The following AP1M1 variants were observed in gnomAD, a reference collection of about 807,000 sequenced individuals.
AP1M1 encodes AP-1 complex subunit mu-1.
Under a neutral mutation model 57.1 loss-of-function variants are expected in AP1M1, and 18 were observed. That is an observed-to-expected ratio of 0.32 (90% CI 0.22 to 0.47). The LOEUF (loss-of-function observed/expected upper bound fraction) is 0.47. Among genes scored for constraint, AP1M1 ranks in the 20% least tolerant of loss-of-function variants. AP1M1 has a pLI of 1.00. For synonymous variants in AP1M1, 241 were observed against 237.9 expected (o/e 1.01, Z -0.12); for missense variants, 362 against 593.5 (o/e 0.61, Z 4.05).
intron 5 of AP1M1, among the ~76,000 whole-genome samples, chr19:16,212,438 A>G (rs2091499163): frequency 6.6e-6 from 1 of 152,148 alleles, no homozygotes; most frequent in African/African-American, 2.4e-5. Context: ...TGTGGGGTCA[A>G]TGGTAATATC....
Position 16,206,229 on chromosome 19 carries a change from G to T in AP1M1, c.200-112G>T. The T allele has an allele frequency of 1.9e-6, 2 of 1,080,460 alleles. No individual in the cohort carries two copies. The highest frequency in any genetic ancestry group is 2.7e-5 in the South Asian group (2 of 72,994). The allele number at this position is 1,080,460 out of a possible 1,614,324, so 66.9% of individuals were successfully genotyped here. ...GGGCCAAGTAAACGGCTGGGAGTGG[G>T]GATAGGGAAGGCTCTGAGGGTTGTG... is the stretch of plus-strand genomic sequence containing the variant. On this transcript the variant is annotated intron_variant, in intron 2 of 11. Coordinates refer to ENST00000291439, the MANE Select transcript of AP1M1 (RefSeq NM_032493.4). This position sits in a 1 kb window ranked among gnomAD's most constrained non-coding sequence, Gnocchi z 4.3.
At chr19:16,202,062 G>T (rs2091450653) in intron 1 of AP1M1, among the ~76,000 whole-genome samples, 1 of 152,138 alleles carries the variant, frequency 6.6e-6, no homozygotes, top group Non-Finnish European at 1.5e-5. Flanking sequence ...ACAGCAGGGG[G>T]AGGGGCTGTT....
chr19:16,226,860 C>T, intron 6 of AP1M1: 1 of 245,208 alleles, frequency 4.1e-6, no homozygotes. Flanking sequence ...CTCTCCCTCC[C>T]AGGCCAGGTT....
In AP1M1 at chr19:16,228,119, C is replaced by T. The variant is rs1379733882; in HGVS notation, c.817-18C>T. On this transcript the variant is annotated intron_variant, in intron 7 of 11. Coordinates refer to ENST00000291439, the MANE Select transcript of AP1M1 (RefSeq NM_032493.4). This position sits in a 1 kb window ranked among gnomAD's most constrained non-coding sequence, Gnocchi z 5.0. ...AAACAAGGCCAGGTGTGAGCACCCT[C>T]TTTGCCCTCCTTGGCAGGTCAAGCC... 6.2e-7 allele frequency: 1 copy of T among 1,613,488 alleles called. No homozygotes were observed. Among genetic ancestry groups the T allele is most frequent in the Non-Finnish European group, 8.5e-7 (1 of 1,179,902 alleles).
chr19:16,209,257 A>G, intron 5 of AP1M1, 80 bp downstream of exon 5: 5 of 1,529,506 alleles, frequency 3.3e-6, no homozygotes, highest in Non-Finnish European at 4.5e-6. Flanking sequence ...TAAAACTGGC[A>G]AAGCCCCGAG....
Position 16,227,726 on chromosome 19 carries a change from ACTC to A in AP1M1, c.816+44_816+46del, listed in dbSNP as rs768000045. The A allele has an allele frequency of 3.2e-5, 51 of 1,596,056 alleles. No homozygotes were observed. The East Asian group carries it at 8.1e-4, about 25-fold the overall frequency. On this transcript the variant is annotated intron_variant, in intron 7 of 11. Coordinates refer to ENST00000291439, the MANE Select transcript of AP1M1 (RefSeq NM_032493.4). This position sits in a 1 kb window ranked among gnomAD's most constrained non-coding sequence, Gnocchi z 6.2. Reference sequence around the variant, plus strand: ...CACCCTGGGGCTGGGCTGTCGGCAGACTCCTCCTCCCCTTCACCTCCAGGAGGT... The same window carrying A: ...CACCCTGGGGCTGGGCTGTCGGCAGACTCCTCCCCTTCACCTCCAGGAGGT...
intron 5 of AP1M1, among the ~76,000 whole-genome samples, chr19:16,213,360 G>T (rs992124148): frequency 2.0e-5 from 3 of 151,990 alleles, no homozygotes; most frequent in African/African-American, 7.3e-5. Context: ...GTCTTTTTTT[G>T]ATCTTTGTTG....
rs570478362 is a variant in AP1M1 at position 16,228,008 on chromosome 19, C to T, written c.817-129C>T. On this transcript the variant is annotated intron_variant, in intron 7 of 11. Transcript: ENST00000291439. This position sits in a 1 kb window ranked among gnomAD's most constrained non-coding sequence, Gnocchi z 5.0. The stretch of plus-strand genomic sequence containing the variant: ...CTGGCCCTCCCTGACGCTGGCTGTA[C>T]GCTCCCTGCAGGGCTCTGGGCCCAC... 44 of 998,470 alleles carry T rather than the reference C, an allele frequency of 4.4e-5. No individual in the cohort carries two copies. Among genetic ancestry groups the T allele is most frequent in the Non-Finnish European group, 5.9e-5 (39 of 662,140 alleles). 61.9% of individuals were successfully genotyped at this position (998,470 alleles called of 1,614,324 possible). A position where few individuals can be genotyped will look rare whatever the true frequency, so the allele number is the denominator to read the frequency against.
intron 5 of AP1M1, among the ~76,000 whole-genome samples, chr19:16,214,193 C>T (rs1374637818): frequency 4.1e-5 from 6 of 145,032 alleles, no homozygotes; most frequent in African/African-American, 1.0e-4. Flanking sequence ...GGACTACAGG[C>T]GTATGCCACC....
chr19:16,206,192 G>A lies in AP1M1; in HGVS notation c.200-149G>A, dbSNP rs2091468731. On this transcript the variant is annotated intron_variant, in intron 2 of 11. Transcript: ENST00000291439. This position sits in a 1 kb window ranked among gnomAD's most constrained non-coding sequence, Gnocchi z 4.3. ...AGGTCTAGCTTGGACCAGGAGCTTT[G>A]TAGCCCACCATGGGCCAAGTAAACG... 4 of 761,976 alleles carry A rather than the reference G, an allele frequency of 5.2e-6. No homozygotes were observed. The South Asian group carries it at 6.6e-5, about 13-fold the overall frequency. 47.2% of individuals were successfully genotyped at this position (761,976 alleles called of 1,614,324 possible).
chr19:16,213,210 T>C (rs1249787556), intron 5 of AP1M1, among the ~76,000 whole-genome samples: 2 of 152,308 alleles, frequency 1.3e-5, no homozygotes, highest in African/African-American at 4.8e-5. Flanking sequence ...CCCACTGTTA[T>C]TGTGTGGGAG....
In AP1M1 at chr19:16,207,898, G is replaced by A; in HGVS notation, c.268-121G>A. On this transcript the variant is annotated intron_variant, in intron 3 of 11. Coordinates refer to ENST00000291439, the MANE Select transcript of AP1M1 (RefSeq NM_032493.4). The surrounding 1 kb of genome is among the most constrained non-coding windows in gnomAD (Gnocchi z 4.2). ...GGCCCTGTAGCACACCACCGAGCCT[G>A]GGAAGTAGGCTGTTGGTAGGACTTA... The A allele has an allele frequency of 1.5e-6, 2 of 1,312,634 alleles. No individual in the cohort carries two copies. Among genetic ancestry groups the A allele is most frequent in the Non-Finnish European group, 2.1e-6 (2 of 953,046 alleles). 81.3% of individuals were successfully genotyped at this position (1,312,634 alleles called of 1,614,324 possible). A position where few individuals can be genotyped will look rare whatever the true frequency, so the allele number is the denominator to read the frequency against.
Position 16,237,107 on chromosome 19 carries a change from T to C in AP1M1, c.*2672T>C, listed in dbSNP as rs1599469989. On this transcript the variant is annotated 3_prime_UTR_variant, in exon 12 of 12. Transcript: ENST00000291439. ...AGAACCTAACAAAATGGGCTGTGTG[T>C]GAACAGACAGTATGAAGAAGATGAA... is the stretch of plus-strand genomic sequence containing the variant. 1 of 152,170 alleles carries C rather than the reference T, an allele frequency of 6.6e-6. No homozygotes were observed. The highest frequency in any genetic ancestry group is 2.4e-5 in the African/African-American group (1 of 41,418). The allele number at this position is 152,170 out of a possible 1,614,324, so 9.4% of individuals were successfully genotyped here.
rs1277714766 is a variant in AP1M1, at chr19:16,228,578, A to G, written c.889-192A>G. Among the ~76,000 whole-genome samples the G allele has an allele frequency of 6.6e-6, 1 of 152,118 alleles. No individual in the cohort carries two copies. Among genetic ancestry groups the G allele is most frequent in the African/African-American group, 2.4e-5 (1 of 41,436 alleles). On this transcript the variant is annotated intron_variant, in intron 8 of 11. Transcript: ENST00000291439. The surrounding 1 kb of genome is among the most constrained non-coding windows in gnomAD (Gnocchi z 5.0). ...AAGCTGAGCAGACAGGAGGATGAAG[A>G]TGAAACTCCTGAAATTAGGTCTTGG...
At chr19:16,201,572 ATTTTT>A (rs1236865873) in intron 1 of AP1M1, among the ~76,000 whole-genome samples, 1 of 151,666 alleles carries the variant, frequency 6.6e-6, no homozygotes, top group East Asian at 1.9e-4. Flanking sequence ...CTAATTTTGT[ATTTTT>A]AGTAGAGACA....
rs1226853697 is a variant in AP1M1 at position 16,235,594 on chromosome 19, C to T, written c.*1159C>T. 6.6e-6 allele frequency: 1 copy of T among 152,488 alleles called. No individual in the cohort carries two copies. The highest frequency in any genetic ancestry group is 1.5e-5 in the Non-Finnish European group (1 of 68,242). The allele number at this position is 152,488 out of a possible 1,614,324, so 9.4% of individuals were successfully genotyped here. A position where few individuals can be genotyped will look rare whatever the true frequency, so the allele number is the denominator to read the frequency against. ...CTTCTCTCATCCAATCTGCTGCACCCTCAGATGGCCAACAGCTTGTCCCCA... is the reference window on the plus strand; with the variant it reads ...CTTCTCTCATCCAATCTGCTGCACCTTCAGATGGCCAACAGCTTGTCCCCA... On this transcript the variant is annotated 3_prime_UTR_variant, in exon 12 of 12. Coordinates refer to ENST00000291439, the MANE Select transcript of AP1M1 (RefSeq NM_032493.4).
intron 4 of AP1M1, 111 bp from the exon 5 acceptor site, chr19:16,208,919 G>T (rs1410564452): frequency 6.0e-6 from 8 of 1,334,738 alleles, no homozygotes; most frequent in Non-Finnish European, 4.1e-6. Context: ...TTTTCAAGTC[G>T]GTCAGAACCT....
intron 5 of AP1M1, among the ~76,000 whole-genome samples, chr19:16,226,137 TA>T (rs11355767): frequency 0.66 from 99,593 of 151,546 alleles, 34,949 homozygotes; most frequent in Non-Finnish European, 0.8. Flanking sequence ...GCCTGAGGCC[TA>T]GAGGGCAGGA....
At chr19:16,209,826 T>G (rs1029129388) in intron 5 of AP1M1, among the ~76,000 whole-genome samples, 1 of 152,216 alleles carries the variant, frequency 6.6e-6, no homozygotes, top group African/African-American at 2.4e-5. Flanking sequence ...TCAGTGTTAC[T>G]GTTTTGTATA....
Sources: gnomAD v4.1 joint callset for allele counts (sites outside exome capture counted in the v4.1 genomes callset) on GRCh38, gnomAD v4.1.1 for gene constraint, Gnocchi (gnomAD v3.1) non-coding constraint, MANE v1.5 for transcripts, NCBI Gene and HGNC (gene_info 2026-07-23, HGNC 2026-07-21) for gene names.